The following PLCB1 variants were observed in gnomAD, a reference collection of about 807,000 sequenced individuals.
PLCB1 encodes 1-phosphatidylinositol 4,5-bisphosphate phosphodiesterase beta-1.
PLCB1 carries 46 observed loss-of-function variants against 161.8 expected under a neutral mutation model. The observed-to-expected ratio is 0.28, with a 90% CI of 0.22 to 0.36. The LOEUF (loss-of-function observed/expected upper bound fraction) is 0.36, where lower values mean the gene tolerates loss of function less well. Ranked by LOEUF, PLCB1 falls within the 10% of genes least tolerant of loss-of-function variation. The pLI is 1.00. For missense variants in PLCB1, 1,016 were observed against 1,472.5 expected (o/e 0.69, Z 5.07); for synonymous variants, 517 against 503.7 (o/e 1.03, Z -0.35).
chr20:8,139,389 C>T (rs1335327784), intron 1 of PLCB1, among the ~76,000 whole-genome samples: 1 of 152,104 alleles, frequency 6.6e-6, no homozygotes, highest in East Asian at 1.9e-4. Context: ...AGCCACCGCA[C>T]CCGGCCTTCA....
At chr20:8,463,423 C>A (rs1981679887) in intron 3 of PLCB1, among the ~76,000 whole-genome samples, 1 of 151,898 alleles carries the variant, frequency 6.6e-6, no homozygotes, top group Admixed American at 6.6e-5. Context: ...ACATACCAGG[C>A]AGCTCTAAAG....
chr20:8,839,157 G>A (rs1291960234), intron 31 of PLCB1, among the ~76,000 whole-genome samples: 1 of 152,178 alleles, frequency 6.6e-6, no homozygotes, highest in Non-Finnish European at 1.5e-5. Context: ...TCAGAGGGTA[G>A]GAGATATATC....
chr20:8,657,435 C>T (rs886176400), intron 8 of PLCB1, 151 bp downstream of exon 8: 18 of 637,702 alleles, frequency 2.8e-5, no homozygotes, highest in Non-Finnish European at 5.2e-5. Flanking sequence ...GATAGGATCA[C>T]ACAATCTTGC....
At chr20:8,752,051 A>AT (rs1490637729) in intron 23 of PLCB1, 1 of 151,796 alleles carries the variant, frequency 6.6e-6, no homozygotes, top group Non-Finnish European at 1.5e-5. Flanking sequence ...GCTTTTTTTC[A>AT]TTTTTCAGCC....
chr20:8,819,152 T>C (rs1985215626), intron 31 of PLCB1, among the ~76,000 whole-genome samples: 1 of 152,112 alleles, frequency 6.6e-6, no homozygotes, highest in African/African-American at 2.4e-5. Context: ...GTAATTAAGA[T>C]ATTAGTGGGA....
intron 3 of PLCB1, among the ~76,000 whole-genome samples, chr20:8,574,776 G>C (rs1241424337): frequency 6.6e-6 from 1 of 152,326 alleles, no homozygotes; most frequent in South Asian, 2.1e-4. Context: ...TTGAGTCATT[G>C]GTTGATGGTT....
At chr20:8,625,680 T>C (rs192564249) in intron 3 of PLCB1, among the ~76,000 whole-genome samples, 1 of 152,328 alleles carries the variant, frequency 6.6e-6, no homozygotes, top group East Asian at 1.9e-4. Flanking sequence ...GTTTCTCAAA[T>C]CTAAGTGTTC....
chr20:8,738,128 G>T lies in PLCB1; in HGVS notation c.2208+936G>T, dbSNP rs140281675. ...AGTAGTTGCTCTTTGCTTACTGTGG[G>T]AATTTACAAATTTATAAAGCAATTG... On this transcript the variant is annotated intron_variant, in intron 20 of 31. Transcript: ENST00000338037. Among the ~76,000 whole-genome samples, 27 of 152,290 alleles carry T rather than the reference G, an allele frequency of 1.8e-4. 1 individual carries two copies. Among genetic ancestry groups the T allele is most frequent in the African/African-American group, 6.5e-4 (27 of 41,562 alleles).
At chr20:8,524,337 G>C (rs115816487) in intron 3 of PLCB1, among the ~76,000 whole-genome samples, 1,747 of 152,108 alleles carry the variant, frequency 0.011, 48 homozygotes, top group African/African-American at 0.04. Context: ...TTGAGGGAGG[G>C]GAGGGGAACA....
At chr20:8,191,150 AT>A (rs1213441232) in intron 2 of PLCB1, among the ~76,000 whole-genome samples, 2 of 151,566 alleles carry the variant, frequency 1.3e-5, no homozygotes, top group African/African-American at 4.8e-5. Context: ...TTATTTTTTA[AT>A]TTTTATGGGT....
chr20:8,282,599 A>G (rs1005850674), intron 2 of PLCB1, among the ~76,000 whole-genome samples: 14 of 152,216 alleles, frequency 9.2e-5, no homozygotes, highest in African/African-American at 2.4e-4. Flanking sequence ...AGTAACAGCA[A>G]TATGGAGCCA....
chr20:8,578,901 T>C (rs6086511), intron 3 of PLCB1, among the ~76,000 whole-genome samples: 39,046 of 152,184 alleles, frequency 0.26, 6,122 homozygotes, highest in African/African-American at 0.45. Flanking sequence ...AAATTTCTGA[T>C]GGCAGTCACA....
chr20:8,271,600 A>G (rs1982284009), intron 2 of PLCB1, among the ~76,000 whole-genome samples: 1 of 152,118 alleles, frequency 6.6e-6, no homozygotes, highest in African/African-American at 2.4e-5. Context: ...AGTAGCACAT[A>G]TATAATAGCT....
chr20:8,390,751 A>G (rs1033305042), intron 3 of PLCB1, among the ~76,000 whole-genome samples: 1 of 152,146 alleles, frequency 6.6e-6, no homozygotes, highest in Non-Finnish European at 1.5e-5. Context: ...GGCACCCAGT[A>G]TGTGTCTTTG....
intron 3 of PLCB1, among the ~76,000 whole-genome samples, chr20:8,603,070 AAACACAGAAAATG>A (rs1987641974): frequency 1.3e-5 from 2 of 152,234 alleles, no homozygotes; most frequent in Non-Finnish European, 2.9e-5. Context: ...AAGGACACCG[AAACACAGAAAATG>A]AAAGGTCTAC....
intron 4 of PLCB1, among the ~76,000 whole-genome samples, chr20:8,636,905 C>T (rs1208108306): frequency 1.3e-5 from 2 of 152,146 alleles, no homozygotes; most frequent in African/African-American, 2.4e-5. Flanking sequence ...CTTCCATCCA[C>T]TCCATTGCAG....
intron 2 of PLCB1, among the ~76,000 whole-genome samples, chr20:8,184,940 T>TA (rs2051886350): frequency 6.6e-6 from 1 of 151,728 alleles, no homozygotes. Context: ...ATCCCTCCCC[T>TA]AGCCCCCCAC....
intron 3 of PLCB1, among the ~76,000 whole-genome samples, chr20:8,432,460 T>G (rs904367863): frequency 6.6e-6 from 1 of 152,178 alleles, no homozygotes; most frequent in Non-Finnish European, 1.5e-5. Context: ...AGCCCCACCC[T>G]TATGACCTTA....
chr20:8,693,854 C>A (rs1990531693), intron 10 of PLCB1, among the ~76,000 whole-genome samples: 1 of 152,158 alleles, frequency 6.6e-6, no homozygotes, highest in South Asian at 2.1e-4. Context: ...TGAGAAGTTG[C>A]AGAGCTGTGA....
Sources: gnomAD v4.1 joint callset for allele counts (sites outside exome capture counted in the v4.1 genomes callset) on GRCh38, gnomAD v4.1.1 for gene constraint, MANE v1.5 for transcripts, NCBI Gene and HGNC (gene_info 2026-07-23, HGNC 2026-07-21) for gene names.